Variants in KIR3DL2 observed in about 807,000 individuals in gnomAD.
The protein encoded by KIR3DL2 is killer cell immunoglobulin-like receptor 3DL2.
KIR3DL2 carries 42 observed loss-of-function variants against 41.6 expected under a neutral mutation model. The observed-to-expected ratio is 1.01, with a 90% confidence interval of 0.79 to 1.31. The LOEUF (loss-of-function observed/expected upper bound fraction) is 1.31. Ranked by LOEUF, KIR3DL2 falls within the 50% of genes most tolerant of loss-of-function variation. KIR3DL2 has a pLI of 0.00. For synonymous variants in KIR3DL2, 230 were observed against 221.3 expected, an observed-to-expected ratio of 1.04 and a Z score of -0.35; for missense variants, 728 against 576.8, an observed-to-expected ratio of 1.26 and a Z score of -2.68.
rs1401313840 is a variant in KIR3DL2, at chr19:54,855,825, G to A, written c.862G>A (p.Gly288Arg). ...CTTTCCTCTGGGCCCTGCCACCCAC[G>A]GAGGGACCTACAGATGCTTCGGCTC... is the stretch of plus-strand genomic sequence containing the variant. Reference protein sequence around the residue: ...ADFPLGPATHGGTYRCFGSFR... With the variant: ...ADFPLGPATHRGTYRCFGSFR... Residue 288 changes from glycine (G) to arginine (R), a missense_variant, in exon 5 of 9, where the codon GGA (glycine) becomes AGA (arginine). Physicochemically the swap from Gly to Arg is moderately radical, Grantham distance 125 (BLOSUM62 -2). Transcript: ENST00000326321. The A allele has an allele frequency of 8.7e-6, 14 of 1,613,388 alleles. No homozygotes were observed. Among genetic ancestry groups the A allele is most frequent in the African/African-American group, 4.0e-5 (3 of 74,480 alleles).
rs1214005895 is a variant in KIR3DL2, at chr19:54,866,832, C to T, written c.*101C>T. 34 of 1,289,476 alleles carry T rather than the reference C, an allele frequency of 2.6e-5. 1 individual carries two copies. The Admixed American group carries it at 6.7e-4, about 25-fold the overall frequency. 79.9% of individuals were successfully genotyped at this position (1,289,476 alleles called of 1,614,324 possible). ...TGCATCTTAGGGGATCGCTCTTCCT[C>T]ACACCACGAATCTGAACATGCCTCT... On this transcript the variant is annotated 3_prime_UTR_variant, in exon 9 of 9. Transcript: ENST00000326321.
chr19:54,852,444 T>C (rs1456680583), intron 3 of KIR3DL2, among the ~76,000 whole-genome samples, 162 bp downstream of exon 3: 3 of 151,452 alleles, frequency 2.0e-5, no homozygotes, highest in African/African-American at 7.3e-5. Flanking sequence ...GAAGAATAAC[T>C]GTCGCCAATG....
chr19:54,853,324 A>G (rs2064449658), intron 3 of KIR3DL2, among the ~76,000 whole-genome samples: 1 of 151,634 alleles, frequency 6.6e-6, no homozygotes, highest in Non-Finnish European at 1.5e-5. Context: ...CCCCATCAGG[A>G]ACAGGGTGTG....
rs1008035461 is a variant in KIR3DL2, at chr19:54,866,303, G to A, written c.1106-67G>A. ...CTACAGCCTCCCCCTGTGGGTTGGT[G>A]TCTGCCCATGAAATGAGGACCCAGA... On this transcript the variant is annotated intron_variant, in intron 7 of 8. Transcript: ENST00000326321. The A allele has an allele frequency of 3.2e-6, 5 of 1,558,188 alleles. No homozygotes were observed. In the African/African-American group the frequency reaches 5.4e-5, roughly 17 times the overall value.
In KIR3DL2 at chr19:54,855,617, A is replaced by T; in HGVS notation, c.656-2A>T. 1 of 1,611,856 alleles carries T rather than the reference A, an allele frequency of 6.2e-7. No homozygotes were observed. Among genetic ancestry groups the T allele is most frequent in the Non-Finnish European group, 8.5e-7 (1 of 1,179,528 alleles). ...TGAGGAAACTGCCTCTTCTCCTTCC[A>T]GGTCTATATGAGAAACCTTCTCTCT... On this transcript the variant is annotated splice_acceptor_variant, in intron 4 of 8. Coordinates refer to ENST00000326321, the MANE Select transcript of KIR3DL2 (RefSeq NM_006737.4). LOFTEE classifies it high-confidence loss of function.
intron 4 of KIR3DL2, among the ~76,000 whole-genome samples, chr19:54,855,061 A>ATGAAGAT (rs1556681190): frequency 0.64 from 94,137 of 147,890 alleles, 30,682 homozygotes; most frequent in East Asian, 0.99. Context: ...GATGATGATG[A>ATGAAGAT]AGATAGATAG....
Position 54,852,318 on chromosome 19 carries a change from A to G in KIR3DL2, c.355+36A>G, listed in dbSNP as rs748323837. On this transcript the variant is annotated intron_variant, in intron 3 of 8. Coordinates refer to ENST00000326321, the MANE Select transcript of KIR3DL2 (RefSeq NM_006737.4). ...TTCTGTCTGGGCTTCTCACTGTCCC[A>G]CCTCCTGAATCCCAGAGCTTCTGGT... 6.3e-6 allele frequency: 10 copies of G among 1,592,618 alleles called. No individual in the cohort carries two copies. The African/African-American group carries it at 8.2e-5, about 13-fold the overall frequency.
chr19:54,865,130 C>G (rs1043418594), intron 6 of KIR3DL2, among the ~76,000 whole-genome samples: 20 of 152,088 alleles, frequency 1.3e-4, no homozygotes, highest in African/African-American at 4.6e-4. Flanking sequence ...CGGTTTTTGT[C>G]TTTGGTTCTG....
At position 54,866,538 on chromosome 19, in the gene KIR3DL2, A is replaced by G. The variant is rs1569528000; in HGVS notation, c.1175A>G (p.Asp392Gly). ...TCTCTCCAGGACTCTGATGAACAAG[A>G]CCCTCAGGAGGTGACGTACGCACAG... ...TVNRQDSDEQ[D>G]PQEVTYAQLD... Residue 392 changes from aspartate (D) to glycine (G), a missense_variant, in exon 9 of 9, where the codon GAC becomes GGC. By Grantham distance (94) the Asp-to-Gly change is moderately conservative (BLOSUM62 -1). Coordinates refer to ENST00000326321, the MANE Select transcript of KIR3DL2 (RefSeq NM_006737.4). The G allele has an allele frequency of 3.7e-6, 6 of 1,613,930 alleles. No individual in the cohort carries two copies. The East Asian group carries it at 6.7e-5, about 18-fold the overall frequency.
Position 54,851,250 on chromosome 19 carries a change from TCATGGGTGAGTCCG to T in KIR3DL2, c.66_70+9del. The T allele has an allele frequency of 6.2e-7, 1 of 1,607,992 alleles. No homozygotes were observed. Among genetic ancestry groups the T allele is most frequent in the Non-Finnish European group, 8.5e-7 (1 of 1,177,336 alleles). On this transcript the variant is annotated splice_donor_variant and splice_donor_5th_base_variant and coding_sequence_variant and intron_variant, in exon 2 of 9. Transcript: ENST00000326321. LOFTEE classifies it high-confidence loss of function. ...TTCTTGCTGCAGGGGGCCTGGCCACTCATGGGTGAGTCCGTCCCCAAACCTTAGGGTGTCATCTC... is the reference window on the plus strand; with the variant it reads ...TTCTTGCTGCAGGGGGCCTGGCCACTTCCCCAAACCTTAGGGTGTCATCTC...
At chr19:54,852,656 G>A (rs1409488682) in intron 3 of KIR3DL2, among the ~76,000 whole-genome samples, 2 of 151,216 alleles carry the variant, frequency 1.3e-5, no homozygotes, top group East Asian at 3.9e-4. Flanking sequence ...GCAGTGTAGT[G>A]GGAGGGAGAC....
chr19:54,854,072 A>G (rs201670003), intron 4 of KIR3DL2, 26 bp downstream of exon 4: 60,177 of 1,609,142 alleles, frequency 0.037, 1,413 homozygotes, highest in East Asian at 0.11. Context: ...CATTCTTCTC[A>G]TTGTCATTGG....
intron 6 of KIR3DL2, among the ~76,000 whole-genome samples, chr19:54,862,507 C>A (rs1308242239): frequency 6.6e-6 from 1 of 152,032 alleles, no homozygotes; most frequent in Non-Finnish European, 1.5e-5. Context: ...CAGCGAGTGA[C>A]AACAGAAGCC....
chr19:54,862,527 A>G (rs893835620), intron 6 of KIR3DL2, among the ~76,000 whole-genome samples: 1 of 152,038 alleles, frequency 6.6e-6, no homozygotes, highest in African/African-American at 2.4e-5. Flanking sequence ...CTACATTTCA[A>G]CGTGAGCCAG....
Position 54,866,828 on chromosome 19 carries a change from TC to T in KIR3DL2, c.*99del. The stretch of plus-strand genomic sequence containing the variant: ...AGTCTGCATCTTAGGGGATCGCTCT[TC>T]CTCACACCACGAATCTGAACATGCC... On this transcript the variant is annotated 3_prime_UTR_variant, in exon 9 of 9. Coordinates refer to ENST00000326321, the MANE Select transcript of KIR3DL2 (RefSeq NM_006737.4). The T allele has an allele frequency of 7.6e-7, 1 of 1,308,778 alleles. No individual in the cohort carries two copies. The highest frequency in any genetic ancestry group is 1.3e-5 in the South Asian group (1 of 79,164). The allele number at this position is 1,308,778 out of a possible 1,614,324, so 81.1% of individuals were successfully genotyped here.
In KIR3DL2 at chr19:54,855,693, T is replaced by C; in HGVS notation, c.730T>C (p.Cys244Arg). 6.2e-7 allele frequency: 1 copy of C among 1,613,550 alleles called. No homozygotes were observed. The highest frequency in any genetic ancestry group is 1.1e-5 in the South Asian group (1 of 91,078). The change falls in exon 5 of 9, where the codon TGT becomes CGT. Residue 244 changes from cysteine (C) to arginine (R), a missense_variant. Coordinates refer to ENST00000326321, the MANE Select transcript of KIR3DL2 (RefSeq NM_006737.4). ...VQAGENVTLS[C>R]SSWSSYDIYH... The stretch of plus-strand genomic sequence containing the variant: ...GGCAGGAGAGAACGTGACCTTGTCC[T>C]GTAGCTCCTGGAGCTCCTATGACAT...
Position 54,866,534 on chromosome 19 carries a change from C to T in KIR3DL2, c.1171C>T (p.Gln391Ter). The T allele has an allele frequency of 1.2e-6, 2 of 1,614,048 alleles. No individual in the cohort carries two copies. Among genetic ancestry groups the T allele is most frequent in the Non-Finnish European group, 1.7e-6 (2 of 1,179,982 alleles). Residue 391 changes from glutamine to a stop codon, truncating the protein, a stop_gained, in exon 9 of 9, where the codon CAA (glutamine) becomes TAA (stop). Coordinates refer to ENST00000326321, the MANE Select transcript of KIR3DL2 (RefSeq NM_006737.4). LOFTEE classifies it low-confidence loss of function (END_TRUNC). ...TCCCTCTCTCCAGGACTCTGATGAA[C>T]AAGACCCTCAGGAGGTGACGTACGC... ...RTVNRQDSDEQDPQEVTYAQL... is the reference protein window; with the variant it reads ...RTVNRQDSDE
At chr19:54,853,658 C>T (rs2064481146) in intron 3 of KIR3DL2, 89 bp from the exon 4 acceptor site, 12 of 1,460,884 alleles carry the variant, frequency 8.2e-6, no homozygotes, top group Non-Finnish European at 1.0e-5. Flanking sequence ...AGAGACAGAC[C>T]TCTGGGAGGG....
At chr19:54,865,400 G>A (rs2065433453) in intron 6 of KIR3DL2, among the ~76,000 whole-genome samples, 1 of 152,008 alleles carries the variant, frequency 6.6e-6, no homozygotes, top group African/African-American at 2.4e-5. Context: ...GAGCGATGGA[G>A]CTTCCAAGCT....
Sources: allele counts gnomAD v4.1 joint callset (sites outside exome capture counted in the v4.1 genomes callset), GRCh38; gene constraint gnomAD v4.1.1; transcripts MANE v1.5; gene names NCBI Gene and HGNC (gene_info 2026-07-23, HGNC 2026-07-21).